The following SMARCA2 variants were observed in gnomAD, a reference collection of about 807,000 sequenced individuals.
SMARCA2 encodes the protein SWI/SNF related BAF chromatin remodeling complex subunit ATPase 2.
A neutral mutation model predicts 199.8 loss-of-function variants in SMARCA2; 61 were observed. That is an observed-to-expected ratio of 0.31 (90% CI 0.25 to 0.38). The LOEUF (loss-of-function observed/expected upper bound fraction) is 0.38. Among genes scored for constraint, SMARCA2 ranks in the 10% least tolerant of loss-of-function variants. The pLI, the probability that SMARCA2 is intolerant of heterozygous loss-of-function variation, is 1.00. For missense variants in SMARCA2, 1,344 were observed against 2,012.2 expected, an observed-to-expected ratio of 0.67 and a Z score of 6.35; for synonymous variants, 935 against 732.0, an observed-to-expected ratio of 1.28 and a Z score of -4.48.
chr9:2,146,557 T>C (rs1824759302), intron 27 of SMARCA2, among the ~76,000 whole-genome samples: 1 of 152,118 alleles, frequency 6.6e-6, no homozygotes, highest in African/African-American at 2.4e-5. Context: ...GGTTCTTGAA[T>C]CTTGCACAAG....
intron 9 of SMARCA2, among the ~76,000 whole-genome samples, chr9:2,063,344 A>T (rs1342059914): frequency 6.6e-6 from 1 of 152,146 alleles, no homozygotes; most frequent in African/African-American, 2.4e-5. Context: ...CTGATTTGAC[A>T]CTTTGGATTA....
At chr9:2,053,624 T>C (rs1006305079) in intron 5 of SMARCA2, among the ~76,000 whole-genome samples, 1 of 152,248 alleles carries the variant, frequency 6.6e-6, no homozygotes, top group Non-Finnish European at 1.5e-5. Context: ...GCTGTTAATA[T>C]TAGCCTACTT....
Position 2,039,483 on chromosome 9 carries a change from C to A in SMARCA2, c.373C>A (p.Pro125Thr), listed in dbSNP as rs755042247. Residue 125 changes from proline to threonine, a missense_variant, in exon 4 of 34, where the codon CCA becomes ACA. Physicochemically the swap from Pro to Thr is conservative, Grantham distance 38. Transcript: ENST00000349721. The surrounding 1 kb of genome is among the most constrained non-coding windows in gnomAD (Gnocchi z 4.8). ...TATTTTAGGTTATATGTCACCACAC[C>A]CATCTCCATTAGGAGCCCCAGAGCA... ...QHSQGYMSPH[P>T]SPLGAPEHVS... The A allele has an allele frequency of 8.1e-6, 13 of 1,613,726 alleles. No individual in the cohort carries two copies. Among genetic ancestry groups the A allele is most frequent in the Admixed American group, 1.7e-5 (1 of 59,974 alleles).
Position 2,161,655 on chromosome 9 carries a change from T to A in SMARCA2, c.3982-31T>A. 2 of 1,495,680 alleles carry A rather than the reference T, an allele frequency of 1.3e-6. No individual in the cohort carries two copies. The highest frequency in any genetic ancestry group is 1.9e-6 in the Non-Finnish European group (2 of 1,077,532). The allele number at this position is 1,495,680 out of a possible 1,614,324, so 92.7% of individuals were successfully genotyped here. A position where few individuals can be genotyped will look rare whatever the true frequency, so the allele number is the denominator to read the frequency against. On this transcript the variant is annotated intron_variant, in intron 27 of 33. Transcript: ENST00000349721. The surrounding 1 kb of genome is among the most constrained non-coding windows in gnomAD (Gnocchi z 4.7). The stretch of plus-strand genomic sequence containing the variant: ...TTTTGTCTTGGTTATTCTCTTGTCT[T>A]GAATTTGTCTCCTTTGTTTCCAACG...
chr9:2,044,566 T>C (rs1346086471), intron 4 of SMARCA2: 1 of 152,208 alleles, frequency 6.6e-6, no homozygotes, highest in East Asian at 1.9e-4. Context: ...GTTGAACAGG[T>C]AGACACTGTT....
intron 13 of SMARCA2, among the ~76,000 whole-genome samples, chr9:2,076,705 C>T (rs1821338995): frequency 6.6e-6 from 1 of 152,018 alleles, no homozygotes; most frequent in Admixed American, 6.5e-5. Flanking sequence ...TTCCTGCCTC[C>T]CTTAATGATA....
At chr9:2,121,817 T>C (rs1273064775) in intron 26 of SMARCA2, among the ~76,000 whole-genome samples, 1 of 152,222 alleles carries the variant, frequency 6.6e-6, no homozygotes, top group Admixed American at 6.5e-5. Flanking sequence ...CAAAAAGATC[T>C]TTGGCAGCTC....
chr9:2,088,327 T>C (rs1251386785), intron 18 of SMARCA2, among the ~76,000 whole-genome samples, 173 bp from the exon 19 acceptor site: 1 of 152,196 alleles, frequency 6.6e-6, no homozygotes, highest in African/African-American at 2.4e-5. Context: ...TTGTTACCAC[T>C]TGGTAGGCAG....
intron 26 of SMARCA2, among the ~76,000 whole-genome samples, chr9:2,122,210 A>T (rs1349764595): frequency 6.6e-6 from 1 of 152,364 alleles, no homozygotes; most frequent in East Asian, 1.9e-4. Flanking sequence ...ATGTCCATAG[A>T]AATGTATTGA....
At chr9:2,054,341 C>T (rs1385890277) in intron 5 of SMARCA2, among the ~76,000 whole-genome samples, 1 of 152,182 alleles carries the variant, frequency 6.6e-6, no homozygotes, top group African/African-American at 2.4e-5. Context: ...CAGGGTGAAC[C>T]TTCTTTCCCT....
At chr9:2,122,157 A>G (rs1470238562) in intron 26 of SMARCA2, among the ~76,000 whole-genome samples, 1 of 152,214 alleles carries the variant, frequency 6.6e-6, no homozygotes, top group Non-Finnish European at 1.5e-5. Flanking sequence ...CTATCAGAAA[A>G]GATTTATTTT....
At chr9:2,088,030 C>G (rs1224590903) in intron 18 of SMARCA2, among the ~76,000 whole-genome samples, 1 of 152,212 alleles carries the variant, frequency 6.6e-6, no homozygotes, top group African/African-American at 2.4e-5. Flanking sequence ...ACTGGATCAA[C>G]TCTTGTTCCT....
At chr9:2,130,957 T>C (rs563868758) in intron 27 of SMARCA2, among the ~76,000 whole-genome samples, 37 of 152,276 alleles carry the variant, frequency 2.4e-4, no homozygotes, top group Non-Finnish European at 4.7e-4. Flanking sequence ...CTGTGCAAAA[T>C]TGGGGTGATT....
At chr9:2,129,769 A>G (rs568829558) in intron 27 of SMARCA2, among the ~76,000 whole-genome samples, 3 of 152,282 alleles carry the variant, frequency 2.0e-5, no homozygotes, top group African/African-American at 7.2e-5. Context: ...CACACATGAC[A>G]CTTCATTATC....
Position 2,123,719 on chromosome 9 carries a change from C to T in SMARCA2, c.3763C>T (p.Arg1255Trp), listed in dbSNP as rs1301145280. The T allele has an allele frequency of 6.2e-7, 1 of 1,613,660 alleles. No individual in the cohort carries two copies. The highest frequency in any genetic ancestry group is 8.5e-7 in the Non-Finnish European group (1 of 1,179,824). The change falls in exon 27 of 34, where the codon CGG (arginine) becomes TGG (tryptophan). Residue 1255 changes from arginine (R) to tryptophan (W), a missense_variant and splice_region_variant. Physicochemically the swap from Arg to Trp is moderately radical, Grantham distance 101. Around this residue, in one of 18 missense-constraint regions of SMARCA2, gnomAD observed 63 missense variants for 83.3 expected, o/e 0.76. Transcript: ENST00000349721. The surrounding 1 kb of genome is among the most constrained non-coding windows in gnomAD (Gnocchi z 4.1). The part of the protein sequence containing the change: ...RREEEFDLFM[R>W]MDMDRRREDA... ...GTGACCCTCTTATTAATGTCTCCAG[C>T]GGATGGACATGGACCGGCGGAGGGA... is the stretch of plus-strand genomic sequence containing the variant.
chr9:2,130,807 A>G (rs187746263), intron 27 of SMARCA2, among the ~76,000 whole-genome samples: 1 of 152,284 alleles, frequency 6.6e-6, no homozygotes, highest in Non-Finnish European at 1.5e-5. Flanking sequence ...TTGCTTCTTT[A>G]TATGTAAGAG....
rs1237981102 is a variant in SMARCA2, at chr9:2,193,169, C to T, written c.*430C>T. The T allele has an allele frequency of 6.3e-6, 1 of 159,200 alleles. No individual in the cohort carries two copies. Among genetic ancestry groups the T allele is most frequent in the Non-Finnish European group, 1.4e-5 (1 of 72,670 alleles). 9.9% of individuals were successfully genotyped at this position (159,200 alleles called of 1,614,324 possible). On this transcript the variant is annotated 3_prime_UTR_variant, in exon 34 of 34. Transcript: ENST00000349721. ...ATTTTATTTTTCATCAGGCAATTTTCGAGGTTTTTATTTGTTCGGTATTGT... is the reference window on the plus strand; with the variant it reads ...ATTTTATTTTTCATCAGGCAATTTTTGAGGTTTTTATTTGTTCGGTATTGT...
At chr9:2,106,476 G>T (rs1232665132) in intron 23 of SMARCA2, among the ~76,000 whole-genome samples, 1 of 152,198 alleles carries the variant, frequency 6.6e-6, no homozygotes, top group Non-Finnish European at 1.5e-5. Flanking sequence ...AGATGGAATT[G>T]AAAAGGCATC....
chr9:2,177,289 C>G (rs1438160095), intron 29 of SMARCA2, among the ~76,000 whole-genome samples: 1 of 152,178 alleles, frequency 6.6e-6, no homozygotes, highest in Non-Finnish European at 1.5e-5. Flanking sequence ...TAAAATCCTT[C>G]CAACCTCAAG....
Sources: gnomAD v4.1 joint callset for allele counts (sites outside exome capture counted in the v4.1 genomes callset) on GRCh38, gnomAD v4.1.1 for gene constraint, gnomAD v4.1.1 regional missense constraint, Gnocchi (gnomAD v3.1) non-coding constraint, MANE v1.5 for transcripts, NCBI Gene and HGNC (gene_info 2026-07-23, HGNC 2026-07-21) for gene names.